RBM38: variants seen among roughly 807,000 people sequenced by gnomAD.
RBM38 encodes the protein RNA-binding protein 38.
RBM38 carries 11 observed loss-of-function variants against 23.5 expected under a neutral mutation model. The ratio of observed to expected loss-of-function variants is 0.47; its 90% CI spans 0.29 to 0.77. RBM38 has a LOEUF of 0.77. RBM38 is among the 30% of genes least tolerant of loss of function. The probability of loss-of-function intolerance (pLI) is 0.08; values close to 1 mark genes in which losing one functional copy is unlikely to be tolerated. For missense variants in RBM38, 330 were observed against 351.9 expected (o/e 0.94, Z 0.50); for synonymous variants, 165 against 166.1 (o/e 0.99, Z 0.05).
chr20:57,407,982 G>C lies in RBM38; in HGVS notation c.*136G>C. On this transcript the variant is annotated 3_prime_UTR_variant, in exon 4 of 4. Transcript: ENST00000356208. The surrounding 1 kb of genome is among the most constrained non-coding windows in gnomAD (Gnocchi z 4.0). ...GCACCCGTGCCTCCGAAGACCGCTC[G>C]GGCATTCCGCCTGCGCCCTGGGACA... The C allele has an allele frequency of 9.1e-7, 1 of 1,103,380 alleles. No individual in the cohort carries two copies. The highest frequency in any genetic ancestry group is 1.3e-6 in the Non-Finnish European group (1 of 788,790). The allele number at this position is 1,103,380 out of a possible 1,614,324, so 68.3% of individuals were successfully genotyped here. A position where few individuals can be genotyped will look rare whatever the true frequency, so the allele number is the denominator to read the frequency against.
At chr20:57,401,298 C>T (rs1306316218) in intron 3 of RBM38, among the ~76,000 whole-genome samples, 1 of 152,176 alleles carries the variant, frequency 6.6e-6, no homozygotes, top group Non-Finnish European at 1.5e-5. Context: ...GATGAGGTCA[C>T]CCGGGGCCGC....
chr20:57,392,971 AGGGGGCG>A, intron 2 of RBM38, 194 bp downstream of exon 2: 1 of 808,042 alleles, frequency 1.2e-6, no homozygotes, highest in South Asian at 1.8e-5. Flanking sequence ...GGCCCAAAGA[AGGGGGCG>A]GGGGGCAGGG....
Position 57,392,387 on chromosome 20 carries a change from AT to A in RBM38, c.238-266del, listed in dbSNP as rs1306163879. 2.7e-6 allele frequency: 4 copies of A among 1,504,540 alleles called. No individual in the cohort carries two copies. The African/African-American group carries it at 4.1e-5, about 16-fold the overall frequency. The allele number at this position is 1,504,540 out of a possible 1,614,324, so 93.2% of individuals were successfully genotyped here. On this transcript the variant is annotated intron_variant, in intron 1 of 3. Coordinates refer to ENST00000356208, the MANE Select transcript of RBM38 (RefSeq NM_017495.6). Reference sequence around the variant, plus strand: ...TCCCTTCGGGGTTCATTTTTGCCCTATCCCCGCAGGGGATTATTTTTGTCCT... The same window carrying A: ...TCCCTTCGGGGTTCATTTTTGCCCTACCCCGCAGGGGATTATTTTTGTCCT...
rs776475847 is a variant in RBM38 at position 57,393,286 on chromosome 20, C to G, written c.369C>G (p.Ala123=). ...AKPRSLQTGF[A]IGVQQLHPTL... ...ATTGTTCTCTCGTTTTAGGCTTTGC[C>G]ATTGGGGTGCAGCAGCTGCACCCCA... The change falls in exon 3 of 4, where the codon GCC becomes GCG. Residue 123 remains alanine (A), a synonymous_variant. Transcript: ENST00000356208. 1 of 1,613,760 alleles carries G rather than the reference C, an allele frequency of 6.2e-7. No homozygotes were observed. The highest frequency in any genetic ancestry group is 1.3e-5 in the African/African-American group (1 of 75,012).
chr20:57,403,911 C>T (rs905480489), intron 3 of RBM38, among the ~76,000 whole-genome samples: 13 of 152,246 alleles, frequency 8.5e-5, no homozygotes, highest in African/African-American at 3.1e-4. Context: ...TGAGCCACTG[C>T]GCCCAGCCTT....
At chr20:57,399,234 A>G (rs1600751171) in intron 3 of RBM38, among the ~76,000 whole-genome samples, 1 of 152,190 alleles carries the variant, frequency 6.6e-6, no homozygotes, top group Admixed American at 6.5e-5. Context: ...CATTCCTCCA[A>G]GTGACACCGG....
chr20:57,392,840 C>G, intron 2 of RBM38, 63 bp downstream of exon 2: 1 of 1,579,626 alleles, frequency 6.3e-7, no homozygotes, highest in Non-Finnish European at 8.6e-7. Flanking sequence ...CGGTATCTGT[C>G]GGGTGGAAAG....
Position 57,391,604 on chromosome 20 carries a change from G to A in RBM38, c.23G>A (p.Cys8Tyr), listed in dbSNP as rs189615487. The A allele has an allele frequency of 2.0e-4, 282 of 1,392,208 alleles. 1 individual carries two copies. In the East Asian group the frequency reaches 5.8e-3, roughly 29 times the overall value. The allele number at this position is 1,392,208 out of a possible 1,614,324, so 86.2% of individuals were successfully genotyped here. Residue 8 changes from cysteine to tyrosine, a missense_variant, in exon 1 of 4, where the codon TGC becomes TAC. By Grantham distance (194) the Cys-to-Tyr change is radical. Coordinates refer to ENST00000356208, the MANE Select transcript of RBM38 (RefSeq NM_017495.6). ...CCCATGCTGCTGCAGCCCGCGCCGT[G>A]CGCCCCGAGCGCGGGCTTCCCGCGG... The part of the protein sequence containing the change: MLLQPAP[C>Y]APSAGFPRPL...
chr20:57,401,771 G>T (rs1234538626), intron 3 of RBM38, among the ~76,000 whole-genome samples: 2 of 152,224 alleles, frequency 1.3e-5, no homozygotes, highest in African/African-American at 2.4e-5. Flanking sequence ...AACAGAAGGA[G>T]CCCAGGGCAG....
At position 57,407,595 on chromosome 20, in the gene RBM38, A is replaced by G; in HGVS notation, c.469A>G (p.Ile157Val). 6.2e-7 allele frequency: 1 copy of G among 1,613,696 alleles called. No individual in the cohort carries two copies. Among genetic ancestry groups the G allele is most frequent in the Non-Finnish European group, 8.5e-7 (1 of 1,179,828 alleles). Residue 157 changes from isoleucine to valine, a missense_variant, in exon 4 of 4, where the codon ATC becomes GTC. Coordinates refer to ENST00000356208, the MANE Select transcript of RBM38 (RefSeq NM_017495.6). The surrounding 1 kb of genome is among the most constrained non-coding windows in gnomAD (Gnocchi z 4.0). ...PPAIVQPSVV[I>V]PAAPVPSLSS... ...AGCCATCGTGCAGCCCAGCGTGGTG[A>G]TCCCAGCCGCCCCTGTCCCGTCGCT...
At chr20:57,406,741 C>G (rs2067388419) in intron 3 of RBM38, among the ~76,000 whole-genome samples, 1 of 152,080 alleles carries the variant, frequency 6.6e-6, no homozygotes, top group South Asian at 2.1e-4. Context: ...CGCCTGTAAT[C>G]CCAGCACTTT....
intron 3 of RBM38, among the ~76,000 whole-genome samples, chr20:57,395,455 C>T (rs1449379425): frequency 6.6e-6 from 1 of 152,058 alleles, no homozygotes; most frequent in Non-Finnish European, 1.5e-5. Context: ...CGACTTCAGG[C>T]GACGGTGTTT....
At chr20:57,393,947 C>CT (rs1242730945) in intron 3 of RBM38, among the ~76,000 whole-genome samples, 1 of 152,058 alleles carries the variant, frequency 6.6e-6, no homozygotes, top group Non-Finnish European at 1.5e-5. Context: ...CCTCCCTGCC[C>CT]TTTTTTAAAA....
At position 57,405,940 on chromosome 20, in the gene RBM38, G is replaced by A. The variant is rs555583273; in HGVS notation, c.417-1603G>A. On this transcript the variant is annotated intron_variant, in intron 3 of 3. Coordinates refer to ENST00000356208, the MANE Select transcript of RBM38 (RefSeq NM_017495.6). ...CCAGTTTCTGTCCCTGCCGAACGCA[G>A]GAGAATGCAGGGAAGGATGTTGTAC... Among the ~76,000 whole-genome samples the A allele has an allele frequency of 2.6e-5, 4 of 152,352 alleles. No homozygotes were observed. The South Asian group carries it at 8.3e-4, about 32-fold the overall frequency.
At chr20:57,391,933 C>A in intron 1 of RBM38, 115 bp downstream of exon 1, 2 of 716,358 alleles carry the variant, frequency 2.8e-6, no homozygotes, top group Non-Finnish European at 3.8e-6. Context: ...CCGCCCCAGG[C>A]GCCTCCAGCC....
intron 3 of RBM38, among the ~76,000 whole-genome samples, chr20:57,405,003 T>C (rs907634830): frequency 6.6e-6 from 1 of 152,186 alleles, no homozygotes; most frequent in South Asian, 2.1e-4. Flanking sequence ...GGCTGCCGGC[T>C]GCCCTCATCC....
chr20:57,392,898 T>G (rs901577647), intron 2 of RBM38, 121 bp downstream of exon 2: 15 of 1,343,166 alleles, frequency 1.1e-5, no homozygotes, highest in Admixed American at 8.7e-5. Context: ...ATCATGTGCC[T>G]GCAGAGCCGG....
In RBM38 at chr20:57,409,070, C is replaced by G. The variant is rs946793592; in HGVS notation, c.*1224C>G. On this transcript the variant is annotated 3_prime_UTR_variant, in exon 4 of 4. Transcript: ENST00000356208. ...TGGTGGAGGGTGGAGGCAGTTCTGCCAGCCGTGGCAGGGCTGCTATGGGGC... is the reference window on the plus strand; with the variant it reads ...TGGTGGAGGGTGGAGGCAGTTCTGCGAGCCGTGGCAGGGCTGCTATGGGGC... The G allele has an allele frequency of 6.6e-6, 1 of 152,532 alleles. No homozygotes were observed. The highest frequency in any genetic ancestry group is 1.5e-5 in the Non-Finnish European group (1 of 68,092). 9.4% of individuals were successfully genotyped at this position (152,532 alleles called of 1,614,324 possible). A position where few individuals can be genotyped will look rare whatever the true frequency, so the allele number is the denominator to read the frequency against.
intron 3 of RBM38, among the ~76,000 whole-genome samples, chr20:57,401,487 CG>C (rs925061708): frequency 3.3e-5 from 5 of 152,142 alleles, no homozygotes; most frequent in Non-Finnish European, 7.3e-5. Flanking sequence ...GGCCATTCCA[CG>C]GGGGGGCTCT....
Sources: allele counts gnomAD v4.1 joint callset (sites outside exome capture counted in the v4.1 genomes callset), GRCh38; gene constraint gnomAD v4.1.1; non-coding constraint Gnocchi (gnomAD v3.1); transcripts MANE v1.5; gene names NCBI Gene and HGNC (gene_info 2026-07-23, HGNC 2026-07-21).